The following TLL2 variants were observed in gnomAD, a reference collection of about 807,000 sequenced individuals.
The protein encoded by TLL2 is tolloid-like protein 2.
In TLL2, 106 loss-of-function variants were observed where a neutral mutation model predicts 123.0. The ratio of observed to expected loss-of-function variants is 0.86; its 90% CI spans 0.74 to 1.01. The LOEUF is 1.01. TLL2 is among the 50% of genes least tolerant of loss of function. The pLI, the probability that TLL2 is intolerant of heterozygous loss-of-function variation, is 0.00. For synonymous variants in TLL2, 494 were observed against 516.8 expected (o/e 0.96, Z 0.60); for missense variants, 1,332 against 1,336.7 (o/e 1.00, Z 0.06).
intron 2 of TLL2, among the ~76,000 whole-genome samples, chr10:96,448,799 A>G (rs953248935): frequency 6.6e-6 from 1 of 152,066 alleles, no homozygotes; most frequent in South Asian, 2.1e-4. Flanking sequence ...CTGGAATGGA[A>G]TGAGTGAGGA....
chr10:96,420,203 G>A (rs549905403), intron 7 of TLL2, among the ~76,000 whole-genome samples: 36 of 152,312 alleles, frequency 2.4e-4, no homozygotes, highest in South Asian at 6.2e-4. Flanking sequence ...TGTTCTCTGT[G>A]ACTCCTTTAA....
chr10:96,484,406 T>C, intron 1 of TLL2, among the ~76,000 whole-genome samples: 1 of 152,212 alleles, frequency 6.6e-6, no homozygotes, highest in Non-Finnish European at 1.5e-5. Flanking sequence ...TCCTGTATCA[T>C]AATCTAGATT....
intron 9 of TLL2, among the ~76,000 whole-genome samples, chr10:96,409,643 C>A (rs923986995): frequency 6.6e-6 from 1 of 152,158 alleles, no homozygotes; most frequent in African/African-American, 2.4e-5. Context: ...AAACATACCA[C>A]CCTTGGACCA....
Position 96,422,816 on chromosome 10 carries a change from C to T in TLL2, c.639-89G>A, listed in dbSNP as rs531025549. The T allele has an allele frequency of 8.6e-5, 125 of 1,445,312 alleles. 1 individual carries two copies. In the South Asian group the frequency reaches 1.4e-3, roughly 16 times the overall value. 89.5% of individuals were successfully genotyped at this position (1,445,312 alleles called of 1,614,324 possible). A position where few individuals can be genotyped will look rare whatever the true frequency, so the allele number is the denominator to read the frequency against. On this transcript the variant is annotated intron_variant, in intron 5 of 20. Coordinates refer to ENST00000357947, the MANE Select transcript of TLL2 (RefSeq NM_012465.4). ...CCCCCTCCCACTCTGTATGTGTGTGCGTGTGTGCATGTAAAAGAACAGAAT... is the reference window on the plus strand; with the variant it reads ...CCCCCTCCCACTCTGTATGTGTGTGTGTGTGTGCATGTAAAAGAACAGAAT...
intron 1 of TLL2, among the ~76,000 whole-genome samples, chr10:96,509,775 G>A (rs766645233): frequency 5.3e-4 from 81 of 152,230 alleles, no homozygotes; most frequent in Non-Finnish European, 8.4e-4. Flanking sequence ...GTGAAACCCC[G>A]TCTCTACTAA....
intron 19 of TLL2, among the ~76,000 whole-genome samples, chr10:96,372,413 G>A (rs1363385512): frequency 6.6e-6 from 1 of 152,200 alleles, no homozygotes; most frequent in Non-Finnish European, 1.5e-5. Flanking sequence ...TCTGACAAAG[G>A]ACACAATTGT....
chr10:96,494,705 T>G lies in TLL2; in HGVS notation c.176-14246A>C, dbSNP rs151059737. Among the ~76,000 whole-genome samples the G allele has an allele frequency of 9.4e-3, 1,430 of 152,352 alleles. 15 individuals are homozygous for G. The highest frequency in any genetic ancestry group is 0.016 in the Non-Finnish European group (1,070 of 68,026). ...CGGGGGAAGAGACGAGGTCTGCATC[T>G]CCACAGTCTGTACTGGAAGCTGTGT... is the stretch of plus-strand genomic sequence containing the variant. On this transcript the variant is annotated intron_variant, in intron 1 of 20. Coordinates refer to ENST00000357947, the MANE Select transcript of TLL2 (RefSeq NM_012465.4).
intron 2 of TLL2, among the ~76,000 whole-genome samples, chr10:96,476,875 C>CACACACAG (rs1554939733): frequency 4.3e-4 from 62 of 144,498 alleles, no homozygotes; most frequent in South Asian, 2.7e-3. Flanking sequence ...CACACACACA[C>CACACACAG]ACACACACAC....
chr10:96,464,248 G>A (rs1299015824), intron 2 of TLL2, among the ~76,000 whole-genome samples: 1 of 152,042 alleles, frequency 6.6e-6, no homozygotes, highest in African/African-American at 2.4e-5. Context: ...GCCAGGTGTG[G>A]TGGTGTGCAC....
intron 3 of TLL2, among the ~76,000 whole-genome samples, chr10:96,445,492 C>T (rs574035608): frequency 3.9e-5 from 6 of 152,340 alleles, no homozygotes; most frequent in African/African-American, 1.4e-4. Context: ...CAGCACCTCA[C>T]CTGCTTCCCA....
Position 96,370,190 on chromosome 10 carries a change from C to T in TLL2, c.2788G>A (p.Gly930Ser), listed in dbSNP as rs1278821512. The T allele has an allele frequency of 1.2e-6, 2 of 1,614,004 alleles. No individual in the cohort carries two copies. The highest frequency in any genetic ancestry group is 2.2e-5 in the East Asian group (1 of 44,892). Residue 930 changes from glycine (G) to serine (S), a missense_variant, in exon 20 of 21, where the codon GGC becomes AGC. Gly to Ser is a moderately conservative substitution (Grantham distance 56). Transcript: ENST00000357947. ...DWVIVAEDGY[G>S]VELTFRTFEV... ...AAGGTCCGGAATGTCAGCTCCACGC[C>T]GTAGCCGTCCTCTGCCACGATCACC... is the stretch of plus-strand genomic sequence containing the variant.
chr10:96,369,327 C>T (rs1235373162), intron 20 of TLL2, among the ~76,000 whole-genome samples: 3 of 152,194 alleles, frequency 2.0e-5, no homozygotes, highest in African/African-American at 7.2e-5. Context: ...TTGATAATGA[C>T]CTTGAGCACA....
intron 13 of TLL2, among the ~76,000 whole-genome samples, chr10:96,391,707 C>T (rs991215235): frequency 1.3e-5 from 2 of 152,200 alleles, no homozygotes; most frequent in African/African-American, 4.8e-5. Context: ...CAGTAGATGT[C>T]CTTTCCCTGA....
intron 7 of TLL2, among the ~76,000 whole-genome samples, 195 bp from the exon 8 acceptor site, chr10:96,413,511 C>T (rs537802396): frequency 7.2e-5 from 11 of 152,326 alleles, no homozygotes; most frequent in East Asian, 3.9e-4. Flanking sequence ...TCATCAGCTG[C>T]CTACTCGCTT....
intron 1 of TLL2, among the ~76,000 whole-genome samples, chr10:96,482,663 G>A (rs1219246559): frequency 2.6e-5 from 4 of 152,236 alleles, no homozygotes; most frequent in African/African-American, 9.6e-5. Context: ...GTTTAGGACT[G>A]GGGGCAGAAA....
At chr10:96,381,782 C>G (rs1050085505) in intron 16 of TLL2, among the ~76,000 whole-genome samples, 1 of 152,068 alleles carries the variant, frequency 6.6e-6, no homozygotes, top group African/African-American at 2.4e-5. Flanking sequence ...AGCTCTGAGC[C>G]TAGTAGTGTA....
intron 2 of TLL2, among the ~76,000 whole-genome samples, chr10:96,448,645 A>G (rs1384010307): frequency 6.6e-6 from 1 of 152,182 alleles, no homozygotes; most frequent in African/African-American, 2.4e-5. Context: ...GGTAGGGGAA[A>G]AAATGACAAA....
At chr10:96,369,949 G>A (rs1846062409) in intron 20 of TLL2, 116 bp downstream of exon 20, 2 of 1,391,754 alleles carry the variant, frequency 1.4e-6, no homozygotes, top group Non-Finnish European at 1.9e-6. Context: ...GTGCCTCCTC[G>A]CCGTTGCTCC....
rs1485398902 is a variant in TLL2, at chr10:96,366,921, A to C, written c.*1167T>G. 1.3e-5 allele frequency: 2 copies of C among 152,662 alleles called. No individual in the cohort carries two copies. Among genetic ancestry groups the C allele is most frequent in the East Asian group, 3.8e-4 (2 of 5,202 alleles). The allele number at this position is 152,662 out of a possible 1,614,324, so 9.5% of individuals were successfully genotyped here. A position where few individuals can be genotyped will look rare whatever the true frequency, so the allele number is the denominator to read the frequency against. Reference sequence around the variant, plus strand: ...ACCTTGAGGTGCTAAAATTATGTAAACATCATCCTCTACACTTCTCTAGAA... The same window carrying C: ...ACCTTGAGGTGCTAAAATTATGTAACCATCATCCTCTACACTTCTCTAGAA... On this transcript the variant is annotated 3_prime_UTR_variant, in exon 21 of 21. Coordinates refer to ENST00000357947, the MANE Select transcript of TLL2 (RefSeq NM_012465.4).
Sources: allele counts gnomAD v4.1 joint callset (sites outside exome capture counted in the v4.1 genomes callset), GRCh38; gene constraint gnomAD v4.1.1; transcripts MANE v1.5; gene names NCBI Gene and HGNC (gene_info 2026-07-23, HGNC 2026-07-21).